The following ADGRL3 variants were observed in gnomAD, a reference collection of about 807,000 sequenced individuals.
The protein encoded by ADGRL3 is calcium-independent alpha-latrotoxin receptor 3.
In ADGRL3, 62 loss-of-function variants were observed where a neutral mutation model predicts 153.5. The ratio of observed to expected loss-of-function variants is 0.40; its 90% confidence interval spans 0.33 to 0.50. ADGRL3 has a LOEUF of 0.50. Ranked by LOEUF, ADGRL3 falls within the 20% of genes least tolerant of loss-of-function variation. ADGRL3 has a pLI of 0.47. For missense variants in ADGRL3, 1,641 were observed against 1,859.4 expected (o/e 0.88, Z 2.16); for synonymous variants, 710 against 672.5 (o/e 1.06, Z -0.86).
chr4:61,808,960 A>T (rs940706392), intron 8 of ADGRL3, among the ~76,000 whole-genome samples: 3 of 152,102 alleles, frequency 2.0e-5, no homozygotes, highest in African/African-American at 7.2e-5. Context: ...CCAAAACGTT[A>T]TAAAAGCAAA....
At chr4:61,732,134 CTTCCTTTCTCTT>C (rs1376448753) in intron 7 of ADGRL3, among the ~76,000 whole-genome samples, 1 of 151,642 alleles carries the variant, frequency 6.6e-6, no homozygotes, top group Non-Finnish European at 1.5e-5. Flanking sequence ...CTTTCTTTTT[CTTCCTTTCTCTT>C]TTCCTTCCAG....
At position 61,558,173 on chromosome 4, in the gene ADGRL3, C is replaced by CATATATATATATAT. The variant is rs33947698; in HGVS notation, c.260-29045_260-29032dup. 9.0e-3 allele frequency among the ~76,000 whole-genome samples: 1,165 copies of CATATATATATATAT among 128,934 alleles called. 7 individuals carry two copies. Among genetic ancestry groups the CATATATATATATAT allele is most frequent in the Middle Eastern group, 0.02 (5 of 248 alleles). 84.6% of individuals were successfully genotyped at this position (128,934 alleles called of 152,430 possible). A position where few individuals can be genotyped will look rare whatever the true frequency, so the allele number is the denominator to read the frequency against. ...TATATATATACACATATGTAGGAATCATATATATATATATATATATATGAT... is the reference window on the plus strand; with the variant it reads ...TATATATATACACATATGTAGGAATCATATATATATATATATATATATATATATATATATATGAT... On this transcript the variant is annotated intron_variant, in intron 4 of 26. Coordinates refer to ENST00000683033, the MANE Select transcript of ADGRL3 (RefSeq NM_001387552.1).
intron 4 of ADGRL3, among the ~76,000 whole-genome samples, chr4:61,567,735 C>T (rs1468313057): frequency 6.6e-6 from 1 of 152,104 alleles, no homozygotes; most frequent in Non-Finnish European, 1.5e-5. Flanking sequence ...AATAAAACTA[C>T]TAAAAGTTTT....
intron 9 of ADGRL3, among the ~76,000 whole-genome samples, chr4:61,857,274 G>A (rs2098285548): frequency 6.6e-6 from 1 of 151,856 alleles, no homozygotes; most frequent in African/African-American, 2.4e-5. Flanking sequence ...GTATCTACAG[G>A]AGAAAAGGTT....
At chr4:61,525,985 G>A (rs77966562) in intron 4 of ADGRL3, among the ~76,000 whole-genome samples, 2,513 of 152,182 alleles carry the variant, frequency 0.017, 75 homozygotes, top group African/African-American at 0.057. Flanking sequence ...ATTGATTGGG[G>A]ATGATGAGAT....
intron 2 of ADGRL3, among the ~76,000 whole-genome samples, chr4:61,402,993 A>G (rs1291535808): frequency 6.6e-6 from 1 of 151,908 alleles, no homozygotes; most frequent in Non-Finnish European, 1.5e-5. Flanking sequence ...TTTCCAGCGT[A>G]GGCCCTCATC....
chr4:61,614,160 A>G lies in ADGRL3; in HGVS notation c.473+26720A>G, dbSNP rs113615018. On this transcript the variant is annotated intron_variant, in intron 5 of 26. Transcript: ENST00000683033. ...AGTATTCACAATTACCAGCCAGCAC[A>G]GAAGTGAAAATTGTCTGTATACTGG... 1.6e-3 allele frequency among the ~76,000 whole-genome samples: 238 copies of G among 152,324 alleles called. 2 individuals are homozygous for G. Among genetic ancestry groups the G allele is most frequent in the African/African-American group, 5.2e-3 (217 of 41,574 alleles).
At chr4:61,297,095 A>G (rs1211763766) in intron 1 of ADGRL3, among the ~76,000 whole-genome samples, 1 of 152,160 alleles carries the variant, frequency 6.6e-6, no homozygotes, top group African/African-American at 2.4e-5. Context: ...TATTCCAGTC[A>G]TTATATGTTT....
intron 8 of ADGRL3, among the ~76,000 whole-genome samples, chr4:61,800,293 A>G (rs1299148139): frequency 2.6e-5 from 4 of 152,318 alleles, no homozygotes; most frequent in Admixed American, 2.6e-4. Flanking sequence ...TACATATATA[A>G]TATTTTAAAG....
intron 1 of ADGRL3, among the ~76,000 whole-genome samples, chr4:61,352,584 C>A (rs1360547380): frequency 6.6e-6 from 1 of 152,004 alleles, no homozygotes; most frequent in Non-Finnish European, 1.5e-5. Context: ...AGGGTCTCAC[C>A]ATGTTGGCCA....
intron 2 of ADGRL3, among the ~76,000 whole-genome samples, chr4:61,422,430 T>C (rs902407789): frequency 5.3e-5 from 8 of 152,214 alleles, no homozygotes; most frequent in African/African-American, 1.9e-4. Flanking sequence ...CTTGTGAATG[T>C]ATACTAACAT....
At chr4:61,485,464 T>C (rs561626008) in intron 2 of ADGRL3, among the ~76,000 whole-genome samples, 4 of 152,266 alleles carry the variant, frequency 2.6e-5, no homozygotes, top group South Asian at 4.1e-4. Context: ...TTTGAAAAAA[T>C]ATTGAAATTT....
chr4:61,852,069 C>T (rs563883316), intron 9 of ADGRL3, among the ~76,000 whole-genome samples: 304 of 152,172 alleles, frequency 2.0e-3, no homozygotes, highest in Middle Eastern at 0.014. Context: ...TGGGAATCTT[C>T]GAGGGTGGAA....
At chr4:61,573,886 G>A (rs2098849489) in intron 4 of ADGRL3, among the ~76,000 whole-genome samples, 1 of 152,004 alleles carries the variant, frequency 6.6e-6, no homozygotes, top group South Asian at 2.1e-4. Context: ...AATGGTATTT[G>A]ACTTTAACAA....
At position 61,502,197 on chromosome 4, in the gene ADGRL3, A is replaced by AG. The variant is rs369694385; in HGVS notation, c.55+4851dup. 2.9e-3 allele frequency among the ~76,000 whole-genome samples: 441 copies of AG among 152,302 alleles called. 2 individuals carry two copies. The highest frequency in any genetic ancestry group is 1.0e-2 in the African/African-American group (415 of 41,564). ...TTTGATAGGCAGTAAAGAAACATCAAGGTCCAATGTGGGACCTTGGGCTGG... is the reference window on the plus strand; with the variant it reads ...TTTGATAGGCAGTAAAGAAACATCAAGGGTCCAATGTGGGACCTTGGGCTGG... On this transcript the variant is annotated intron_variant, in intron 3 of 26. Coordinates refer to ENST00000683033, the MANE Select transcript of ADGRL3 (RefSeq NM_001387552.1).
intron 2 of ADGRL3, among the ~76,000 whole-genome samples, chr4:61,494,698 T>C (rs1194169400): frequency 6.6e-6 from 1 of 152,168 alleles, no homozygotes; most frequent in Non-Finnish European, 1.5e-5. Flanking sequence ...TTCTTGTCAA[T>C]GCTTTCTCTA....
chr4:61,951,592 G>A (rs1199980480), intron 17 of ADGRL3, among the ~76,000 whole-genome samples: 14 of 152,190 alleles, frequency 9.2e-5, no homozygotes, highest in Non-Finnish European at 1.6e-4. Flanking sequence ...CTGGCTGGGC[G>A]TAGTGGCTCA....
At position 61,432,726 on chromosome 4, in the gene ADGRL3, G is replaced by A. The variant is rs567386112; in HGVS notation, c.-174+49537G>A. On this transcript the variant is annotated intron_variant, in intron 2 of 26. Transcript: ENST00000683033. ...TGGACTGTAATAGAGCGATCTCGGC[G>A]CACCGCAACCTCTGCCTCTTGGGTT... 7.6e-5 allele frequency among the ~76,000 whole-genome samples: 11 copies of A among 144,546 alleles called. 1 individual carries two copies. The highest frequency in any genetic ancestry group is 6.8e-4 in the South Asian group (3 of 4,392). The allele number at this position is 144,546 out of a possible 152,430, so 94.8% of individuals were successfully genotyped here.
At chr4:61,938,342 TATAACAG>T (rs1252008212) in intron 15 of ADGRL3, among the ~76,000 whole-genome samples, 2 of 152,338 alleles carry the variant, frequency 1.3e-5, no homozygotes, top group East Asian at 3.9e-4. Context: ...TAAATTATGT[TATAACAG>T]ATAAGTCTTT....
Sources: gnomAD v4.1 joint callset for allele counts (sites outside exome capture counted in the v4.1 genomes callset) on GRCh38, gnomAD v4.1.1 for gene constraint, MANE v1.5 for transcripts, NCBI Gene and HGNC (gene_info 2026-07-23, HGNC 2026-07-21) for gene names.